Variants in GMPR observed in about 807,000 individuals in gnomAD.
GMPR encodes the protein guanosine monophosphate reductase.
A neutral mutation model predicts 38.4 loss-of-function variants in GMPR; 31 were observed. The observed-to-expected ratio is 0.81, with a 90% CI of 0.61 to 1.09. GMPR has a LOEUF of 1.09. GMPR is among the 50% of genes least tolerant of loss of function. GMPR has a pLI of 0.00. For missense variants in GMPR, 468 were observed against 453.7 expected, an observed-to-expected ratio of 1.03 and a Z score of -0.29; for synonymous variants, 162 against 173.3, an observed-to-expected ratio of 0.93 and a Z score of 0.51.
chr6:16,293,798 C>CA (rs934779392), intron 8 of GMPR, among the ~76,000 whole-genome samples: 1 of 152,008 alleles, frequency 6.6e-6, no homozygotes, highest in Non-Finnish European at 1.5e-5. Flanking sequence ...AACTCCATCT[C>CA]AAAAAAAGAT....
chr6:16,284,268 A>G (rs1276485519), intron 6 of GMPR, among the ~76,000 whole-genome samples: 1 of 152,236 alleles, frequency 6.6e-6, no homozygotes, highest in Non-Finnish European at 1.5e-5. Flanking sequence ...TCCTGGAGTG[A>G]CAGGCCTCAC....
chr6:16,244,926 T>C (rs1758726298), intron 1 of GMPR, among the ~76,000 whole-genome samples: 1 of 152,058 alleles, frequency 6.6e-6, no homozygotes, highest in South Asian at 2.1e-4. Flanking sequence ...AAGAGCTCTG[T>C]GTTTTGTGTC....
rs188268943 is a variant in GMPR at position 16,290,387 on chromosome 6, T to G, written c.698-75T>G. The stretch of plus-strand genomic sequence containing the variant: ...GGAGGGAGGTGAACTGGGCAAGCAC[T>G]GGGATTTTTTGAGAGCCTTTTCCCC... On this transcript the variant is annotated intron_variant, in intron 7 of 8. Transcript: ENST00000259727. 6.3e-4 allele frequency: 867 copies of G among 1,371,402 alleles called. 1 individual carries two copies. The African/African-American group carries it at 0.011, about 17-fold the overall frequency. The allele number at this position is 1,371,402 out of a possible 1,614,324, so 85.0% of individuals were successfully genotyped here.
intron 4 of GMPR, among the ~76,000 whole-genome samples, chr6:16,257,632 T>A (rs1759006098): frequency 6.6e-6 from 1 of 152,220 alleles, no homozygotes; most frequent in Non-Finnish European, 1.5e-5. Flanking sequence ...ATAAACTGAC[T>A]GGTGTATAAA....
At chr6:16,273,811 ATTTTT>A (rs772416416) in intron 4 of GMPR, among the ~76,000 whole-genome samples, 11 of 112,874 alleles carry the variant, frequency 9.7e-5, no homozygotes, top group Middle Eastern at 4.2e-3. Flanking sequence ...TCCCTCTAAG[ATTTTT>A]TTTTTTTTTT....
chr6:16,287,889 T>G (rs994443269), intron 7 of GMPR, among the ~76,000 whole-genome samples: 1 of 152,232 alleles, frequency 6.6e-6, no homozygotes, highest in African/African-American at 2.4e-5. Context: ...CTCAGAGTGC[T>G]CTGCCAATGT....
At chr6:16,265,662 G>A (rs1459194996) in intron 4 of GMPR, among the ~76,000 whole-genome samples, 4 of 145,702 alleles carry the variant, frequency 2.7e-5, no homozygotes, top group Non-Finnish European at 6.3e-5. Flanking sequence ...CTAAAGCAGC[G>A]CTGTGTCTAG....
intron 1 of GMPR, among the ~76,000 whole-genome samples, chr6:16,240,395 G>A (rs911635593): frequency 3.9e-5 from 6 of 152,164 alleles, no homozygotes; most frequent in Admixed American, 3.3e-4. Context: ...ATCAGCCAGG[G>A]CAGTTGTGCA....
chr6:16,243,911 T>C (rs540245633), intron 1 of GMPR, among the ~76,000 whole-genome samples: 1 of 152,334 alleles, frequency 6.6e-6, no homozygotes, highest in South Asian at 2.1e-4. Flanking sequence ...CCAGAGTGGC[T>C]AAGTGGCAGT....
intron 4 of GMPR, among the ~76,000 whole-genome samples, chr6:16,266,202 C>T (rs983044750): frequency 1.3e-5 from 2 of 148,736 alleles, no homozygotes; most frequent in African/African-American, 5.0e-5. Flanking sequence ...AGAGCTGTAA[C>T]ACTCGCTGCG....
chr6:16,254,755 A>T lies in GMPR; in HGVS notation c.465+20A>T. On this transcript the variant is annotated intron_variant, in intron 4 of 8. Transcript: ENST00000259727. The stretch of plus-strand genomic sequence containing the variant: ...ATTATGGTAAGTACGGTAGAACATT[A>T]CGGTAGAACATTCTCAAGATGGGGA... 6.3e-7 allele frequency: 1 copy of T among 1,576,088 alleles called. No individual in the cohort carries two copies. The highest frequency in any genetic ancestry group is 8.7e-7 in the Non-Finnish European group (1 of 1,146,100).
chr6:16,245,762 A>G (rs952926610), intron 1 of GMPR, among the ~76,000 whole-genome samples: 2 of 152,160 alleles, frequency 1.3e-5, no homozygotes, highest in Non-Finnish European at 2.9e-5. Context: ...GGTCGGAGGG[A>G]GAAGACAGTG....
At chr6:16,259,051 G>C (rs949574431) in intron 4 of GMPR, 5 of 152,142 alleles carry the variant, frequency 3.3e-5, no homozygotes, top group African/African-American at 1.2e-4. Context: ...AACAGGCTTT[G>C]TTTGAGCAAC....
At chr6:16,267,127 G>A (rs1413701804) in intron 4 of GMPR, among the ~76,000 whole-genome samples, 1 of 152,088 alleles carries the variant, frequency 6.6e-6, no homozygotes, top group African/African-American at 2.4e-5. Context: ...ACTTTGGGAG[G>A]CCGAGGTGGG....
chr6:16,295,211 C>G lies in GMPR; in HGVS notation c.*25C>G, dbSNP rs1332307211. On this transcript the variant is annotated 3_prime_UTR_variant, in exon 9 of 9. Coordinates refer to ENST00000259727, the MANE Select transcript of GMPR (RefSeq NM_006877.4). ...ACCCTGGGGACAAAGCAGCGTCTGG[C>G]TCGAGTGGAAGCGTCCAAACCTGCT... is the stretch of plus-strand genomic sequence containing the variant. 2 of 1,480,542 alleles carry G rather than the reference C, an allele frequency of 1.4e-6. No individual in the cohort carries two copies. The highest frequency in any genetic ancestry group is 5.1e-5 in the Admixed American group (2 of 39,096). The allele number at this position is 1,480,542 out of a possible 1,614,324, so 91.7% of individuals were successfully genotyped here.
Position 16,238,661 on chromosome 6 carries a change from G to T in GMPR, c.-33G>T. 1 of 1,179,290 alleles carries T rather than the reference G, an allele frequency of 8.5e-7. No homozygotes were observed. Among genetic ancestry groups the T allele is most frequent in the Non-Finnish European group, 1.1e-6 (1 of 916,770 alleles). The allele number at this position is 1,179,290 out of a possible 1,614,324, so 73.1% of individuals were successfully genotyped here. On this transcript the variant is annotated 5_prime_UTR_variant, in exon 1 of 9. Coordinates refer to ENST00000259727, the MANE Select transcript of GMPR (RefSeq NM_006877.4). Reference sequence around the variant, plus strand: ...CCCGCGCAGGCGCCCCCGCCCCGCCGTCGCCGCCGCCGCAGCCAGGAGCCG... The same window carrying T: ...CCCGCGCAGGCGCCCCCGCCCCGCCTTCGCCGCCGCCGCAGCCAGGAGCCG...
intron 1 of GMPR, among the ~76,000 whole-genome samples, chr6:16,243,069 G>A (rs1420217326): frequency 6.6e-6 from 1 of 151,998 alleles, no homozygotes; most frequent in Non-Finnish European, 1.5e-5. Flanking sequence ...AACATTTTGG[G>A]GGCGGGGGGG....
chr6:16,242,656 GAGA>G (rs1412188762), intron 1 of GMPR, among the ~76,000 whole-genome samples: 1 of 151,384 alleles, frequency 6.6e-6, no homozygotes, highest in East Asian at 1.9e-4. Flanking sequence ...TATTTTTTTT[GAGA>G]AGGAGTTTCG....
intron 8 of GMPR, among the ~76,000 whole-genome samples, chr6:16,291,424 A>C (rs1258580016): frequency 6.6e-6 from 1 of 151,812 alleles, no homozygotes; most frequent in African/African-American, 2.4e-5. Context: ...GGGTTTCGTC[A>C]TGTTGGCCAG....
Sources: allele counts gnomAD v4.1 joint callset (sites outside exome capture counted in the v4.1 genomes callset), GRCh38; gene constraint gnomAD v4.1.1; transcripts MANE v1.5; gene names NCBI Gene and HGNC (gene_info 2026-07-23, HGNC 2026-07-21).